The following ZFP36L1 variants were observed in gnomAD, a reference collection of about 807,000 sequenced individuals.
The protein encoded by ZFP36L1 is mRNA decay activator protein ZFP36L1.
In ZFP36L1, 4 loss-of-function variants were observed where a neutral mutation model predicts 16.7. That is an observed-to-expected ratio of 0.24 (90% CI 0.12 to 0.55). ZFP36L1 has a LOEUF of 0.55. Ranked by LOEUF, ZFP36L1 falls within the 20% of genes least tolerant of loss-of-function variation. The pLI is 0.94. For synonymous variants in ZFP36L1, 220 were observed against 190.8 expected (o/e 1.15, Z -1.26); for missense variants, 311 against 449.2 (o/e 0.69, Z 2.78).
chr14:68,791,198 C>T (rs1169961278), intron 1 of ZFP36L1: 3 of 586,814 alleles, frequency 5.1e-6, no homozygotes, highest in East Asian at 6.0e-5. Flanking sequence ...TTCCACTCAG[C>T]CCTAGCCCAC....
chr14:68,788,097 C>T lies in ZFP36L1; in HGVS notation c.*1436G>A, dbSNP rs1894961056. 1.3e-5 allele frequency: 2 copies of T among 152,118 alleles called. No homozygotes were observed. The highest frequency in any genetic ancestry group is 2.4e-5 in the African/African-American group (1 of 41,312). The allele number at this position is 152,118 out of a possible 1,614,324, so 9.4% of individuals were successfully genotyped here. On this transcript the variant is annotated 3_prime_UTR_variant, in exon 2 of 2. Transcript: ENST00000439696. ...GGGGGGAATTTCTAAAATAAATAAT[C>T]CAACAGTTTTTTGCATTTTTTTAAA...
chr14:68,791,079 T>A (rs1236533076), intron 1 of ZFP36L1: 1 of 702,032 alleles, frequency 1.4e-6, no homozygotes, highest in Admixed American at 2.0e-5. Context: ...GGGAGGAGAT[T>A]GGGGGCCTGG....
Position 68,789,676 on chromosome 14 carries a change from G to A in ZFP36L1, c.874C>T (p.Pro292Ser), listed in dbSNP as rs1477130000. ...MSESPHMFDS[P>S]PSPQDSLSDQ... ...GAGAGAGAATCCTGAGGGCTGGGGG[G>A]AGAGTCAAACATGTGAGGGGACTCG... is the stretch of plus-strand genomic sequence containing the variant. The change falls in exon 2 of 2, where the codon CCC becomes TCC. Residue 292 changes from proline to serine, a missense_variant. Pro to Ser is a moderately conservative substitution (Grantham distance 74). Coordinates refer to ENST00000439696, the MANE Select transcript of ZFP36L1 (RefSeq NM_004926.4). The surrounding 1 kb of genome is among the most constrained non-coding windows in gnomAD (Gnocchi z 4.5). 6.2e-7 allele frequency: 1 copy of A among 1,613,926 alleles called. No homozygotes were observed. The highest frequency in any genetic ancestry group is 1.3e-5 in the African/African-American group (1 of 74,920).
chr14:68,793,942 A>G (rs975410456), upstream of ZFP36L1: 5 of 983,178 alleles, frequency 5.1e-6, no homozygotes, highest in Non-Finnish European at 6.0e-6. Flanking sequence ...GGGGCGCCGC[A>G]AAAAAAGACC....
At chr14:68,794,098 A>G (rs74060167), upstream of ZFP36L1, 35 of 266,566 alleles carry the variant, frequency 1.3e-4, no homozygotes, top group African/African-American at 8.0e-4. Context: ...GCAACTCACT[A>G]CTTTCCACGC....
chr14:68,789,641 C>G lies in ZFP36L1; in HGVS notation c.909G>C (p.Glu303Asp). The change falls in exon 2 of 2, where the codon GAG (glutamate) becomes GAC (aspartate). Residue 303 changes from glutamate (E) to aspartate (D), a missense_variant. Glu to Asp is a conservative substitution (Grantham distance 45). This residue lies in a region of ZFP36L1 where 147 missense variants were observed against 192.0 expected (regional missense o/e 0.77). Transcript: ENST00000439696. This position sits in a 1 kb window ranked among gnomAD's most constrained non-coding sequence, Gnocchi z 4.5. The stretch of plus-strand genomic sequence containing the variant: ...TGCTGCTGGAGCTGCTCAGGTAGCC[C>G]TCCTGGTCCGAGAGAGAATCCTGAG... Reference protein sequence around the residue: ...PSPQDSLSDQEGYLSSSSSSH... With the variant: ...PSPQDSLSDQDGYLSSSSSSH... 1 of 1,613,724 alleles carries G rather than the reference C, an allele frequency of 6.2e-7. No homozygotes were observed. The highest frequency in any genetic ancestry group is 8.5e-7 in the Non-Finnish European group (1 of 1,179,774).
chr14:68,792,393 C>A (rs566721445), intron 1 of ZFP36L1, among the ~76,000 whole-genome samples: 1 of 152,324 alleles, frequency 6.6e-6, no homozygotes, highest in African/African-American at 2.4e-5. Context: ...TTCTTCCTCG[C>A]ATATCCCCAG....
upstream of ZFP36L1, chr14:68,793,417 G>A (rs1895164400): frequency 1.0e-6 from 1 of 999,132 alleles, no homozygotes; most frequent in Non-Finnish European, 1.2e-6. Context: ...GGCGCAGAGC[G>A]GGAGGGGCGC....
upstream of ZFP36L1, chr14:68,795,696 C>G: frequency 2.0e-6 from 1 of 488,782 alleles, no homozygotes; most frequent in Non-Finnish European, 4.2e-6. Context: ...CCCGCTCGCT[C>G]CCGAGTTGTT....
upstream of ZFP36L1, chr14:68,795,766 C>T (rs931088868): frequency 1.9e-6 from 1 of 534,194 alleles, no homozygotes; most frequent in African/African-American, 1.9e-5. Flanking sequence ...TATAATTAAA[C>T]TCTTTTTTAA....
At chr14:68,793,160 G>A, upstream of ZFP36L1, 1 of 1,216,690 alleles carries the variant, frequency 8.2e-7, no homozygotes, top group Non-Finnish European at 1.0e-6. Flanking sequence ...AGGAAGAGGA[G>A]GAAAAAGAAG....
Position 68,789,264 on chromosome 14 carries a change from T to A in ZFP36L1, c.*269A>T. Reference sequence around the variant, plus strand: ...GGCATCTACTGACAAAATATGGGACTTGTCTGTTATGCATGGTAAGTGGGC... The same window carrying A: ...GGCATCTACTGACAAAATATGGGACATGTCTGTTATGCATGGTAAGTGGGC... On this transcript the variant is annotated 3_prime_UTR_variant, in exon 2 of 2. Coordinates refer to ENST00000439696, the MANE Select transcript of ZFP36L1 (RefSeq NM_004926.4). The surrounding 1 kb of genome is among the most constrained non-coding windows in gnomAD (Gnocchi z 4.5). 1 of 457,106 alleles carries A rather than the reference T, an allele frequency of 2.2e-6. No individual in the cohort carries two copies. The allele number at this position is 457,106 out of a possible 1,614,324, so 28.3% of individuals were successfully genotyped here. A position where few individuals can be genotyped will look rare whatever the true frequency, so the allele number is the denominator to read the frequency against.
chr14:68,789,593 C>A lies in ZFP36L1; in HGVS notation c.957G>T (p.Pro319=), dbSNP rs760954890. The change falls in exon 2 of 2, where the codon CCG becomes CCT. Residue 319 remains proline (P), a synonymous_variant. Transcript: ENST00000439696. The surrounding 1 kb of genome is among the most constrained non-coding windows in gnomAD (Gnocchi z 4.5). Reference sequence around the variant, plus strand: ...GCAGGCGTCTTGAGTTGTCCAAGGTCGGGGAGTCTGAGCCACTGTGGCTGC... The same window carrying A: ...GCAGGCGTCTTGAGTTGTCCAAGGTAGGGGAGTCTGAGCCACTGTGGCTGC... The part of the protein sequence containing the change: ...SSSSHSGSDS[P]TLDNSRRLPI... 6.2e-7 allele frequency: 1 copy of A among 1,613,640 alleles called. No homozygotes were observed. The highest frequency in any genetic ancestry group is 1.1e-5 in the South Asian group (1 of 90,974).
chr14:68,795,922 G>A (rs775478326), upstream of ZFP36L1: 7 of 1,089,416 alleles, frequency 6.4e-6, no homozygotes, highest in Non-Finnish European at 9.1e-6. Context: ...TCGCCCAGAC[G>A]TGGTCGACAG....
chr14:68,790,664 T>A (rs1375083821), intron 1 of ZFP36L1, among the ~76,000 whole-genome samples, 172 bp from the exon 2 acceptor site: 1 of 152,096 alleles, frequency 6.6e-6, no homozygotes, highest in African/African-American at 2.4e-5. Context: ...TTCACCTGGG[T>A]TTATTTTGGC....
chr14:68,792,418 T>C (rs555868807), intron 1 of ZFP36L1, among the ~76,000 whole-genome samples: 5 of 151,726 alleles, frequency 3.3e-5, no homozygotes, highest in Admixed American at 2.6e-4. Context: ...CCCCAAAGAG[T>C]GGAGGAAAAC....
At chr14:68,793,306 G>A (rs1161857320), upstream of ZFP36L1, 152 of 1,027,490 alleles carry the variant, frequency 1.5e-4, no homozygotes, top group Non-Finnish European at 1.7e-4. Flanking sequence ...CCCACTGTGA[G>A]CCGCGCACAA....
chr14:68,790,540 G>C (rs1320130399), intron 1 of ZFP36L1, 48 bp from the exon 2 acceptor site: 2 of 1,605,098 alleles, frequency 1.2e-6, no homozygotes, highest in Non-Finnish European at 8.5e-7. Flanking sequence ...CATCCACCAG[G>C]ATGTCCACTA....
Position 68,789,920 on chromosome 14 carries a change from G to C in ZFP36L1, c.630C>G (p.Ala210=). ...HSFSFAGFPS[A]AATAAATGLL... Reference sequence around the variant, plus strand: ...GCCCGGTGGCAGCGGCGGTGGCAGCGGCACTGGGAAACCCAGCAAAGCTAA... The same window carrying C: ...GCCCGGTGGCAGCGGCGGTGGCAGCCGCACTGGGAAACCCAGCAAAGCTAA... The change falls in exon 2 of 2, where the codon GCC becomes GCG. Residue 210 remains alanine (A), a synonymous_variant. Transcript: ENST00000439696. This position sits in a 1 kb window ranked among gnomAD's most constrained non-coding sequence, Gnocchi z 4.5. The C allele has an allele frequency of 6.2e-7, 1 of 1,609,786 alleles. No homozygotes were observed.
Sources: gnomAD v4.1 joint callset for allele counts (sites outside exome capture counted in the v4.1 genomes callset) on GRCh38, gnomAD v4.1.1 for gene constraint, gnomAD v4.1.1 regional missense constraint, Gnocchi (gnomAD v3.1) non-coding constraint, MANE v1.5 for transcripts, NCBI Gene and HGNC (gene_info 2026-07-23, HGNC 2026-07-21) for gene names.